The following L3MBTL4 variants were observed in gnomAD, a reference collection of about 807,000 sequenced individuals.
L3MBTL4 encodes L3MBTL histone methyl-lysine binding protein 4.
L3MBTL4 carries 70 observed loss-of-function variants against 84.5 expected under a neutral mutation model. That is an observed-to-expected ratio of 0.83 (90% CI 0.68 to 1.01). The LOEUF is 1.01. L3MBTL4 is among the 50% of genes least tolerant of loss of function. The pLI, the probability that L3MBTL4 is intolerant of heterozygous loss-of-function variation, is 0.00. For missense variants in L3MBTL4, 715 were observed against 754.8 expected, an observed-to-expected ratio of 0.95 and a Z score of 0.62; for synonymous variants, 274 against 259.8, an observed-to-expected ratio of 1.05 and a Z score of -0.52.
chr18:6,086,755 AC>A (rs1452764414), intron 15 of L3MBTL4, among the ~76,000 whole-genome samples: 2 of 152,126 alleles, frequency 1.3e-5, no homozygotes, highest in Non-Finnish European at 2.9e-5. Flanking sequence ...GCACCTGTCA[AC>A]CAACTGTGAT....
intron 10 of L3MBTL4, among the ~76,000 whole-genome samples, chr18:6,225,318 G>T (rs983361489): frequency 1.3e-5 from 2 of 152,246 alleles, no homozygotes; most frequent in African/African-American, 2.4e-5. Flanking sequence ...TAAAGGCCAA[G>T]TGGGGCTAGC....
At chr18:6,322,628 GAATA>G (rs1188553021) in intron 1 of L3MBTL4, among the ~76,000 whole-genome samples, 1 of 152,038 alleles carries the variant, frequency 6.6e-6, no homozygotes, top group Non-Finnish European at 1.5e-5. Flanking sequence ...ACAGATGAAT[GAATA>G]AAGAAAATGA....
At chr18:6,022,528 C>T (rs181752464) in intron 16 of L3MBTL4, among the ~76,000 whole-genome samples, 2 of 152,308 alleles carry the variant, frequency 1.3e-5, no homozygotes, top group Admixed American at 1.3e-4. Flanking sequence ...ATAGCTGATG[C>T]TCTAATTTAG....
chr18:6,172,163 C>T (rs1038504809), intron 12 of L3MBTL4, among the ~76,000 whole-genome samples: 3 of 152,254 alleles, frequency 2.0e-5, no homozygotes, highest in South Asian at 2.1e-4. Context: ...GGTTGGTAAA[C>T]GAAAACTTTG....
chr18:6,322,623 T>C (rs1246628304), intron 1 of L3MBTL4, among the ~76,000 whole-genome samples: 1 of 151,884 alleles, frequency 6.6e-6, no homozygotes, highest in Non-Finnish European at 1.5e-5. Context: ...CATGAACAGA[T>C]GAATGAATAA....
At chr18:5,979,992 C>T (rs1292141130) in intron 16 of L3MBTL4, among the ~76,000 whole-genome samples, 2 of 152,236 alleles carry the variant, frequency 1.3e-5, no homozygotes, top group East Asian at 1.9e-4. Context: ...GGGCCACACT[C>T]ACCTCTCTGG....
chr18:6,171,303 C>T (rs757955881), intron 13 of L3MBTL4, among the ~76,000 whole-genome samples: 3 of 152,040 alleles, frequency 2.0e-5, no homozygotes, highest in Non-Finnish European at 4.4e-5. Context: ...GGTTGAGGCT[C>T]ATTAAAATTT....
At chr18:6,277,768 C>T (rs1455204221) in intron 4 of L3MBTL4, among the ~76,000 whole-genome samples, 1 of 151,954 alleles carries the variant, frequency 6.6e-6, no homozygotes, top group Non-Finnish European at 1.5e-5. Flanking sequence ...GAATATTTTT[C>T]CTTTTTTAAT....
chr18:6,356,933 G>T (rs938506616), intron 1 of L3MBTL4: 4 of 152,168 alleles, frequency 2.6e-5, no homozygotes, highest in African/African-American at 9.7e-5. Context: ...ACAAACACAT[G>T]AGTAATGCAA....
intron 14 of L3MBTL4, among the ~76,000 whole-genome samples, chr18:6,135,831 T>C (rs1045643821): frequency 1.8e-4 from 28 of 152,226 alleles, no homozygotes; most frequent in African/African-American, 6.8e-4. Context: ...GTTCCAAAGT[T>C]GTTTCCACAT....
chr18:6,329,562 G>T (rs953442490), intron 1 of L3MBTL4, among the ~76,000 whole-genome samples: 4 of 152,262 alleles, frequency 2.6e-5, no homozygotes, highest in South Asian at 2.1e-4. Context: ...ATAAAGAAAA[G>T]GAATTTATTT....
intron 1 of L3MBTL4, among the ~76,000 whole-genome samples, chr18:6,407,486 C>T (rs1033942639): frequency 6.6e-6 from 1 of 152,148 alleles, no homozygotes; most frequent in Admixed American, 6.5e-5. Context: ...CAATAATTCA[C>T]CTTTATGATA....
intron 12 of L3MBTL4, among the ~76,000 whole-genome samples, chr18:6,190,374 T>A (rs921332525): frequency 6.6e-6 from 1 of 152,326 alleles, no homozygotes; most frequent in African/African-American, 2.4e-5. Flanking sequence ...GGTAGATACA[T>A]ATGTAAAAAT....
At chr18:6,129,380 G>GTA (rs1375601536) in intron 14 of L3MBTL4, among the ~76,000 whole-genome samples, 1 of 151,430 alleles carries the variant, frequency 6.6e-6, no homozygotes, top group African/African-American at 2.4e-5. Flanking sequence ...GTGTGTGTGT[G>GTA]TGTGTGTGTG....
intron 16 of L3MBTL4, among the ~76,000 whole-genome samples, chr18:6,059,886 A>G (rs964459576): frequency 2.6e-5 from 4 of 152,194 alleles, no homozygotes; most frequent in African/African-American, 9.7e-5. Context: ...GTTCTCTAGT[A>G]TTTATTTTTT....
intron 16 of L3MBTL4, among the ~76,000 whole-genome samples, chr18:6,049,293 A>G (rs1045500371): frequency 1.0e-5 from 1 of 99,088 alleles, no homozygotes; most frequent in Non-Finnish European, 1.8e-5. Context: ...AAAAGAAATT[A>G]TCAATAAACA....
At chr18:6,021,129 G>T (rs896764294) in intron 16 of L3MBTL4, among the ~76,000 whole-genome samples, 1 of 152,170 alleles carries the variant, frequency 6.6e-6, no homozygotes, top group Admixed American at 6.5e-5. Flanking sequence ...CTTTTCCACG[G>T]TCAAGTAAGT....
At chr18:6,304,116 A>G (rs982004428) in intron 3 of L3MBTL4, among the ~76,000 whole-genome samples, 5 of 152,156 alleles carry the variant, frequency 3.3e-5, no homozygotes, top group African/African-American at 9.7e-5. Context: ...ATTTTAATGA[A>G]AGCAAACTAG....
At chr18:6,312,952 T>C (rs2050907553) in intron 1 of L3MBTL4, among the ~76,000 whole-genome samples, 1 of 152,142 alleles carries the variant, frequency 6.6e-6, no homozygotes, top group South Asian at 2.1e-4. Flanking sequence ...CCCTCCCTTT[T>C]TCAACTTATC....
Sources: gnomAD v4.1 joint callset for allele counts (sites outside exome capture counted in the v4.1 genomes callset) on GRCh38, gnomAD v4.1.1 for gene constraint, MANE v1.5 for transcripts, NCBI Gene and HGNC (gene_info 2026-07-23, HGNC 2026-07-21) for gene names.